Variants in AMDHD2 observed in about 807,000 individuals in gnomAD.
AMDHD2 encodes N-acetylglucosamine-6-phosphate deacetylase.
Under a neutral mutation model 41.8 loss-of-function variants are expected in AMDHD2, and 24 were observed. That is an observed-to-expected ratio of 0.57 (90% CI 0.42 to 0.81). AMDHD2 has a LOEUF of 0.81. AMDHD2 is among the 30% of genes least tolerant of loss of function. The pLI is 0.00. For missense variants in AMDHD2, 540 were observed against 588.5 expected (o/e 0.92, Z 0.85); for synonymous variants, 332 against 255.5 (o/e 1.30, Z -2.85).
In AMDHD2 at chr16:2,529,584, A is replaced by C. The variant is rs779576882; in HGVS notation, c.*21A>C. The C allele has an allele frequency of 2.5e-6, 4 of 1,604,524 alleles. No homozygotes were observed. In the African/African-American group the frequency reaches 5.3e-5, roughly 21 times the overall value. ...AGTGACAAGGACCTCGGCTGAGAGG[A>C]CACCTGGCCGCAGCGGGATGCCATC... On this transcript the variant is annotated 3_prime_UTR_variant, in exon 11 of 11. Transcript: ENST00000293971.
Position 2,528,708 on chromosome 16 carries a change from G to A in AMDHD2, c.1029G>A (p.Leu343=). 1 of 1,612,620 alleles carries A rather than the reference G, an allele frequency of 6.2e-7. No homozygotes were observed. Among genetic ancestry groups the A allele is most frequent in the Non-Finnish European group, 8.5e-7 (1 of 1,179,908 alleles). Residue 343 remains leucine (L), a synonymous_variant, in exon 9 of 11, where the codon CTG becomes CTA. Coordinates refer to ENST00000293971, the MANE Select transcript of AMDHD2 (RefSeq NM_001330449.2). ...TGGACGTCTGTGTCCGGCACTTCCT[G>A]CAGGCCACAGGTCAGTGAGCAGCAC... ...APMDVCVRHF[L]QATGCSMESA...
In AMDHD2 at chr16:2,530,882, C is replaced by A; in HGVS notation, c.*1319C>A. ...GAGAGGTGTGAGGTGCAGGGATACC[C>A]ACCTCTGCCTTGACGGCCGCGCACC... is the stretch of plus-strand genomic sequence containing the variant. On this transcript the variant is annotated 3_prime_UTR_variant, in exon 11 of 11. Coordinates refer to ENST00000293971, the MANE Select transcript of AMDHD2 (RefSeq NM_001330449.2). 8 of 1,613,630 alleles carry A rather than the reference C, an allele frequency of 5.0e-6. No individual in the cohort carries two copies. The highest frequency in any genetic ancestry group is 6.8e-6 in the Non-Finnish European group (8 of 1,179,996).
chr16:2,525,347 T>C (rs565510880), intron 3 of AMDHD2, among the ~76,000 whole-genome samples: 90 of 150,584 alleles, frequency 6.0e-4, no homozygotes, highest in African/African-American at 2.1e-3. Context: ...TGTGAGTCAC[T>C]GTGCCCAGCC....
chr16:2,520,391 T>G lies in AMDHD2; in HGVS notation c.-68T>G. The G allele has an allele frequency of 8.5e-7, 1 of 1,179,830 alleles. No homozygotes were observed. The highest frequency in any genetic ancestry group is 1.1e-6 in the Non-Finnish European group (1 of 944,610). The allele number at this position is 1,179,830 out of a possible 1,614,324, so 73.1% of individuals were successfully genotyped here. On this transcript the variant is annotated 5_prime_UTR_variant, in exon 1 of 11. Coordinates refer to ENST00000293971, the MANE Select transcript of AMDHD2 (RefSeq NM_001330449.2). Reference sequence around the variant, plus strand: ...GCGCGGTCTCAGCTCTCGGCTGGGGTTCGTCACTGGGCGCGGGATTTGGCC... The same window carrying G: ...GCGCGGTCTCAGCTCTCGGCTGGGGGTCGTCACTGGGCGCGGGATTTGGCC...
chr16:2,530,079 C>T lies in AMDHD2; in HGVS notation c.*516C>T. On this transcript the variant is annotated 3_prime_UTR_variant, in exon 11 of 11. Coordinates refer to ENST00000293971, the MANE Select transcript of AMDHD2 (RefSeq NM_001330449.2). ...CTGAGTTGGGGTGTGCAGCGTGGAG[C>T]CCACAGCCTGGTTCTGGGCCAGGGC... is the stretch of plus-strand genomic sequence containing the variant. The T allele has an allele frequency of 1.0e-6, 1 of 973,606 alleles. No individual in the cohort carries two copies. Among genetic ancestry groups the T allele is most frequent in the Non-Finnish European group, 1.5e-6 (1 of 680,358 alleles). The allele number at this position is 973,606 out of a possible 1,614,324, so 60.3% of individuals were successfully genotyped here.
In AMDHD2 at chr16:2,530,743, G is replaced by T. The variant is rs1373931014; in HGVS notation, c.*1180G>T. 1.2e-6 allele frequency: 2 copies of T among 1,613,700 alleles called. No homozygotes were observed. The highest frequency in any genetic ancestry group is 2.7e-5 in the African/African-American group (2 of 75,050). Reference sequence around the variant, plus strand: ...CAGCCAGGGAAGAACCACCTGCCTGGGCAGGGCCTCGCCTGAGGGAGGGCC... The same window carrying T: ...CAGCCAGGGAAGAACCACCTGCCTGTGCAGGGCCTCGCCTGAGGGAGGGCC... On this transcript the variant is annotated 3_prime_UTR_variant, in exon 11 of 11. Transcript: ENST00000293971.
chr16:2,526,704 A>G (rs1231592790), intron 3 of AMDHD2, among the ~76,000 whole-genome samples: 2 of 151,844 alleles, frequency 1.3e-5, no homozygotes, highest in Non-Finnish European at 2.9e-5. Flanking sequence ...TTGGGAGACT[A>G]AGGTGGGTGT....
At position 2,530,629 on chromosome 16, in the gene AMDHD2, T is replaced by G. The variant is rs1326969729; in HGVS notation, c.*1066T>G. 6.2e-7 allele frequency: 1 copy of G among 1,614,034 alleles called. No individual in the cohort carries two copies. Among genetic ancestry groups the G allele is most frequent in the Non-Finnish European group, 8.5e-7 (1 of 1,180,022 alleles). On this transcript the variant is annotated 3_prime_UTR_variant, in exon 11 of 11. Coordinates refer to ENST00000293971, the MANE Select transcript of AMDHD2 (RefSeq NM_001330449.2). Reference sequence around the variant, plus strand: ...GGTACGCGCCTGGCTCTGCCACTGTTCTCTTCCCTCTGCTGCAAAGCCCAG... The same window carrying G: ...GGTACGCGCCTGGCTCTGCCACTGTGCTCTTCCCTCTGCTGCAAAGCCCAG...
At chr16:2,525,936 C>G (rs2065998588) in intron 3 of AMDHD2, among the ~76,000 whole-genome samples, 1 of 152,064 alleles carries the variant, frequency 6.6e-6, no homozygotes, top group African/African-American at 2.4e-5. Context: ...GCCTTGGCCT[C>G]CCAAAGTGCT....
Position 2,527,330 on chromosome 16 carries a change from A to G in AMDHD2, c.361-231A>G, listed in dbSNP as rs1596996810. ...CCTCAGTGCCCACAAGCCTGCCCAC[A>G]TGGCCAGGGACCGCTGGCATCCCAC... is the stretch of plus-strand genomic sequence containing the variant. On this transcript the variant is annotated intron_variant, in intron 3 of 10. Coordinates refer to ENST00000293971, the MANE Select transcript of AMDHD2 (RefSeq NM_001330449.2). This position sits in a 1 kb window ranked among gnomAD's most constrained non-coding sequence, Gnocchi z 6.1. 3.3e-5 allele frequency among the ~76,000 whole-genome samples: 5 copies of G among 152,134 alleles called. No individual in the cohort carries two copies. Among genetic ancestry groups the G allele is most frequent in the African/African-American group, 1.2e-4 (5 of 41,510 alleles).
Position 2,527,932 on chromosome 16 carries a change from G to A in AMDHD2, c.575G>A (p.Arg192His), listed in dbSNP as rs760962716. ...RIVTLAPELG[R>H]SHEVIRALTA... ...GTGACGCTGGCCCCAGAGTTGGGCC[G>A]TAGCCACGAAGTGATCCGGGCGCTG... Residue 192 changes from arginine (R) to histidine (H), a missense_variant, in exon 5 of 11, where the codon CGT (arginine) becomes CAT (histidine). By Grantham distance (29) the Arg-to-His change is conservative. Transcript: ENST00000293971. The surrounding 1 kb of genome is among the most constrained non-coding windows in gnomAD (Gnocchi z 6.1). 16 of 1,598,148 alleles carry A rather than the reference G, an allele frequency of 1.0e-5. No homozygotes were observed. The highest frequency in any genetic ancestry group is 8.9e-5 in the East Asian group (4 of 44,800).
rs183580585 is a variant in AMDHD2 at position 2,530,072 on chromosome 16, C to T, written c.*509C>T. The T allele has an allele frequency of 2.5e-4, 232 of 913,726 alleles. No homozygotes were observed. Among genetic ancestry groups the T allele is most frequent in the Admixed American group, 7.0e-4 (24 of 34,222 alleles). The allele number at this position is 913,726 out of a possible 1,614,324, so 56.6% of individuals were successfully genotyped here. ...TCTGCTCCTGAGTTGGGGTGTGCAG[C>T]GTGGAGCCCACAGCCTGGTTCTGGG... On this transcript the variant is annotated 3_prime_UTR_variant, in exon 11 of 11. Transcript: ENST00000293971.
At position 2,527,177 on chromosome 16, in the gene AMDHD2, T is replaced by G; in HGVS notation, c.361-384T>G. ...TCCTGATGGCGTCCAGCTCCGGCCA[T>G]GGTGTGGACCACACACAGTGCTGAG... is the stretch of plus-strand genomic sequence containing the variant. On this transcript the variant is annotated intron_variant, in intron 3 of 10. Transcript: ENST00000293971. The surrounding 1 kb of genome is among the most constrained non-coding windows in gnomAD (Gnocchi z 6.1). 3.6e-6 allele frequency: 1 copy of G among 275,108 alleles called. No individual in the cohort carries two copies. Among genetic ancestry groups the G allele is most frequent in the East Asian group, 9.4e-5 (1 of 10,608 alleles). 17.0% of individuals were successfully genotyped at this position (275,108 alleles called of 1,614,324 possible). A position where few individuals can be genotyped will look rare whatever the true frequency, so the allele number is the denominator to read the frequency against.
chr16:2,531,282 A>G lies in AMDHD2; in HGVS notation c.*1719A>G, dbSNP rs1455931062. On this transcript the variant is annotated 3_prime_UTR_variant, in exon 11 of 11. Transcript: ENST00000293971. Reference sequence around the variant, plus strand: ...GCCCTGGGTGGTGGGAGAGGGGCCCAGGGTCAGGGTGAGAGAGAGCTGGGC... The same window carrying G: ...GCCCTGGGTGGTGGGAGAGGGGCCCGGGGTCAGGGTGAGAGAGAGCTGGGC... The G allele has an allele frequency of 4.9e-6, 3 of 611,576 alleles. No individual in the cohort carries two copies. The African/African-American group carries it at 5.6e-5, about 11-fold the overall frequency. The allele number at this position is 611,576 out of a possible 1,614,324, so 37.9% of individuals were successfully genotyped here.
intron 3 of AMDHD2, among the ~76,000 whole-genome samples, chr16:2,523,235 A>C (rs190661544): frequency 6.6e-6 from 1 of 152,252 alleles, no homozygotes; most frequent in East Asian, 1.9e-4. Context: ...CAGTACTTTA[A>C]TTGAGCCGTC....
At chr16:2,528,761 G>A in intron 9 of AMDHD2, 43 bp downstream of exon 9, 1 of 1,604,926 alleles carries the variant, frequency 6.2e-7, no homozygotes, top group Non-Finnish European at 8.5e-7. Context: ...GTCTGTGAGT[G>A]GTGGGTCCCC....
At position 2,528,336 on chromosome 16, in the gene AMDHD2, C is replaced by A; in HGVS notation, c.818C>A (p.Thr273Asn). The A allele has an allele frequency of 6.2e-7, 1 of 1,612,872 alleles. No individual in the cohort carries two copies. The highest frequency in any genetic ancestry group is 2.2e-5 in the East Asian group (1 of 44,872). Residue 273 changes from threonine (T) to asparagine (N), a missense_variant, in exon 7 of 11, where the codon ACC becomes AAC. By Grantham distance (65) the Thr-to-Asn change is moderately conservative. Transcript: ENST00000293971. ...GGGATGATTGCAGATGGCACGCACA[C>A]CAACCCCGCCGCCCTGCGGATCGCC... The part of the protein sequence containing the change: ...FYGMIADGTH[T>N]NPAALRIAHR...
chr16:2,521,189 A>G (rs1366741847), intron 3 of AMDHD2, 66 bp downstream of exon 3: 1 of 1,455,672 alleles, frequency 6.9e-7, no homozygotes, highest in Non-Finnish European at 9.1e-7. Context: ...TCATTTTCAA[A>G]CTCACGCCCC....
chr16:2,527,014 T>C lies in AMDHD2; in HGVS notation c.361-547T>C, dbSNP rs1235443071. 6.4e-6 allele frequency: 1 copy of C among 156,830 alleles called. No homozygotes were observed. The highest frequency in any genetic ancestry group is 2.4e-5 in the African/African-American group (1 of 41,500). The allele number at this position is 156,830 out of a possible 1,614,324, so 9.7% of individuals were successfully genotyped here. On this transcript the variant is annotated intron_variant, in intron 3 of 10. Transcript: ENST00000293971. The surrounding 1 kb of genome is among the most constrained non-coding windows in gnomAD (Gnocchi z 6.1). ...TCCAGCCACCATCCTCACCTGAAGC[T>C]CTTCTCTCTGGGAAGGCTCCCCCAG...
Sources: gnomAD v4.1 joint callset for allele counts (sites outside exome capture counted in the v4.1 genomes callset) on GRCh38, gnomAD v4.1.1 for gene constraint, Gnocchi (gnomAD v3.1) non-coding constraint, MANE v1.5 for transcripts, NCBI Gene and HGNC (gene_info 2026-07-23, HGNC 2026-07-21) for gene names.